The following FAT3 variants were observed in gnomAD, a reference collection of about 807,000 sequenced individuals.
FAT3 encodes protocadherin Fat 3.
FAT3 carries 95 observed loss-of-function variants against 310.2 expected under a neutral mutation model. That is an observed-to-expected ratio of 0.31 (90% CI 0.26 to 0.36). FAT3 has a LOEUF of 0.36. Ranked by LOEUF, FAT3 falls within the 10% of genes least tolerant of loss-of-function variation. The pLI is 1.00. For synonymous variants in FAT3, 2,314 were observed against 2,192.9 expected (o/e 1.06, Z -1.54); for missense variants, 5,408 against 5,715.6 (o/e 0.95, Z 1.74).
intron 3 of FAT3, among the ~76,000 whole-genome samples, chr11:92,624,432 T>C (rs2135679586): frequency 6.6e-6 from 1 of 152,288 alleles, no homozygotes; most frequent in Non-Finnish European, 1.5e-5. Flanking sequence ...ATGTTTAGAC[T>C]AAGGACACTT....
intron 2 of FAT3, among the ~76,000 whole-genome samples, chr11:92,364,398 G>C (rs1948960465): frequency 6.6e-6 from 1 of 152,204 alleles, no homozygotes; most frequent in Admixed American, 6.5e-5. Context: ...CCAGAAGGCA[G>C]TGGGATAAAT....
intron 3 of FAT3, among the ~76,000 whole-genome samples, chr11:92,607,936 C>G (rs147162657): frequency 6.6e-6 from 1 of 152,246 alleles, no homozygotes; most frequent in African/African-American, 2.4e-5. Context: ...TGGCATCTAT[C>G]ATATCTACCT....
At position 92,835,068 on chromosome 11, in the gene FAT3, G is replaced by A. The variant is rs750910380; in HGVS notation, c.10070G>A (p.Gly3357Glu). The change falls in exon 15 of 28, where the codon GGA (glycine) becomes GAA (glutamate). Residue 3357 changes from glycine (G) to glutamate (E), a missense_variant. This residue lies in a region of FAT3 where 4,588 missense variants were observed against 4,809.8 expected (regional missense o/e 0.95). Coordinates refer to ENST00000525166, the MANE Select transcript of FAT3 (RefSeq NM_001367949.2). ...GTTATCAGTGAAGACGCCTTGGTGG[G>A]AGACTCTGTCATTTTGGTAGGTACC... ...SAVISEDALVGDSVILLIAED... is the reference protein window; with the variant it reads ...SAVISEDALVEDSVILLIAED... 5 of 1,612,376 alleles carry A rather than the reference G, an allele frequency of 3.1e-6. No homozygotes were observed. In the Admixed American group the frequency reaches 5.0e-5, roughly 16 times the overall value.
rs1947302702 is a variant in FAT3, at chr11:92,800,356, G to A, written c.7343G>A (p.Ser2448Asn). 1.2e-6 allele frequency: 2 copies of A among 1,613,908 alleles called. No individual in the cohort carries two copies. The highest frequency in any genetic ancestry group is 8.5e-7 in the Non-Finnish European group (1 of 1,179,904). The change falls in exon 10 of 28, where the codon AGT (serine) becomes AAT (asparagine). Residue 2448 changes from serine to asparagine, a missense_variant. By Grantham distance (46) the Ser-to-Asn change is conservative. Around this residue, in one of 5 missense-constraint regions of FAT3, gnomAD observed 4,588 missense variants for 4,809.8 expected, o/e 0.95. Coordinates refer to ENST00000525166, the MANE Select transcript of FAT3 (RefSeq NM_001367949.2). ...ACGAGCTTTCTGATGGACAGCAAGAGTGGAGTTATCACATTGTCCAACCAT... is the reference window on the plus strand; with the variant it reads ...ACGAGCTTTCTGATGGACAGCAAGAATGGAGTTATCACATTGTCCAACCAT... ...DRTSFLMDSK[S>N]GVITLSNHRK...
chr11:92,688,876 A>G (rs1739247040), intron 3 of FAT3, among the ~76,000 whole-genome samples: 1 of 152,216 alleles, frequency 6.6e-6, no homozygotes, highest in African/African-American at 2.4e-5. Context: ...GGTTACTTAT[A>G]CTGTAAGCCT....
At chr11:92,412,752 C>CACATATATATATATATAT (rs1565296555) in intron 2 of FAT3, among the ~76,000 whole-genome samples, 1 of 24,274 alleles carries the variant, frequency 4.1e-5, no homozygotes, top group African/African-American at 1.1e-4. Context: ...TATAAATATA[C>CACATATATATATATATAT]ATACATATAT....
At chr11:92,829,323 G>A (rs1190196408) in intron 13 of FAT3, among the ~76,000 whole-genome samples, 1 of 152,196 alleles carries the variant, frequency 6.6e-6, no homozygotes, top group Non-Finnish European at 1.5e-5. Flanking sequence ...ATTGGCAAGA[G>A]CAGCGTACCA....
intron 3 of FAT3, among the ~76,000 whole-genome samples, chr11:92,667,038 G>A (rs760761686): frequency 5.9e-5 from 9 of 152,082 alleles, no homozygotes; most frequent in Non-Finnish European, 1.0e-4. Flanking sequence ...CAGCTACACC[G>A]AGAGCTAGGT....
intron 2 of FAT3, among the ~76,000 whole-genome samples, chr11:92,439,184 A>T (rs1016864066): frequency 6.6e-6 from 1 of 152,186 alleles, no homozygotes; most frequent in Admixed American, 6.5e-5. Flanking sequence ...TTGTTGCACA[A>T]ATATTAACAG....
At chr11:92,499,697 G>A (rs1952872388) in intron 2 of FAT3, among the ~76,000 whole-genome samples, 1 of 147,874 alleles carries the variant, frequency 6.8e-6, no homozygotes, top group Admixed American at 6.9e-5. Flanking sequence ...ACAAAGTCTT[G>A]ATCTTGTGTG....
chr11:92,798,311 C>G lies in FAT3; in HGVS notation c.5298C>G (p.Ala1766=). 6.2e-7 allele frequency: 1 copy of G among 1,613,696 alleles called. No individual in the cohort carries two copies. Among genetic ancestry groups the G allele is most frequent in the South Asian group, 1.1e-5 (1 of 91,040 alleles). The change falls in exon 10 of 28, where the codon GCC becomes GCG. Residue 1766 remains alanine (A), a synonymous_variant. Coordinates refer to ENST00000525166, the MANE Select transcript of FAT3 (RefSeq NM_001367949.2). ...AGATTGTTGATGAAAATGATAATGCCCCAGTTTTTCTCTTTTCTCAATACT... is the reference window on the plus strand; with the variant it reads ...AGATTGTTGATGAAAATGATAATGCGCCAGTTTTTCTCTTTTCTCAATACT... ...NIQIVDENDN[A]PVFLFSQYSG... is the part of the protein sequence containing the mutation.
chr11:92,420,371 C>T (rs1463271140), intron 2 of FAT3, among the ~76,000 whole-genome samples: 1 of 152,132 alleles, frequency 6.6e-6, no homozygotes, highest in Admixed American at 6.5e-5. Context: ...ATAGATTGCT[C>T]CATGAGGATG....
chr11:92,242,458 C>CT (rs532030954), intron 1 of FAT3, among the ~76,000 whole-genome samples: 10 of 151,532 alleles, frequency 6.6e-5, no homozygotes, highest in South Asian at 2.1e-4. Flanking sequence ...TTAGAACCAC[C>CT]TTTTTTTTGG....
At chr11:92,632,862 T>C (rs2135706840) in intron 3 of FAT3, among the ~76,000 whole-genome samples, 1 of 152,288 alleles carries the variant, frequency 6.6e-6, no homozygotes, top group East Asian at 1.9e-4. Flanking sequence ...GTGCCTCTCT[T>C]CACTCCTCAG....
intron 13 of FAT3, among the ~76,000 whole-genome samples, chr11:92,812,572 A>T (rs1354420693): frequency 6.6e-6 from 1 of 150,856 alleles, no homozygotes; most frequent in African/African-American, 2.4e-5. Context: ...ACAGAGCAAG[A>T]CTCCATCTCA....
Position 92,810,157 on chromosome 11 carries a change from A to G in FAT3, c.9481+81A>G, listed in dbSNP as rs1947629771. On this transcript the variant is annotated intron_variant, in intron 13 of 27. Coordinates refer to ENST00000525166, the MANE Select transcript of FAT3 (RefSeq NM_001367949.2). The stretch of plus-strand genomic sequence containing the variant: ...CTGCCATTCCTTTAGTTTTATAAGA[A>G]CCTTAATCAACCCCCTTGGTTCTTT... 3.7e-5 allele frequency: 45 copies of G among 1,232,352 alleles called. No homozygotes were observed. The South Asian group carries it at 6.3e-4, about 17-fold the overall frequency. 76.3% of individuals were successfully genotyped at this position (1,232,352 alleles called of 1,614,324 possible).
At position 92,737,953 on chromosome 11, in the gene FAT3, G is replaced by A. The variant is rs150607755; in HGVS notation, c.3670-23903G>A. On this transcript the variant is annotated intron_variant, in intron 4 of 27. Coordinates refer to ENST00000525166, the MANE Select transcript of FAT3 (RefSeq NM_001367949.2). ...GATACCAGAAACAAATACAGCTACCGATTTTTCATTGTTCTCATTGAGACA... is the reference window on the plus strand; with the variant it reads ...GATACCAGAAACAAATACAGCTACCAATTTTTCATTGTTCTCATTGAGACA... Among the ~76,000 whole-genome samples the A allele has an allele frequency of 5.8e-4, 89 of 152,180 alleles. No homozygotes were observed. In the East Asian group the frequency reaches 0.017, roughly 29 times the overall value.
rs373126600 is a variant in FAT3, at chr11:92,665,269, A to G, written c.3608-32115A>G. Among the ~76,000 whole-genome samples, 106 of 152,270 alleles carry G rather than the reference A, an allele frequency of 7.0e-4. 1 individual carries two copies. The East Asian group carries it at 0.016, about 23-fold the overall frequency. ...TGACCTCAGTTCGTCTCTGCTGTGCACTTGCCAGAGACGAACGGTTGACCA... is the reference window on the plus strand; with the variant it reads ...TGACCTCAGTTCGTCTCTGCTGTGCGCTTGCCAGAGACGAACGGTTGACCA... On this transcript the variant is annotated intron_variant, in intron 3 of 27. Transcript: ENST00000525166.
At chr11:92,567,105 T>G (rs1220154204) in intron 3 of FAT3, among the ~76,000 whole-genome samples, 1 of 151,950 alleles carries the variant, frequency 6.6e-6, no homozygotes, top group Non-Finnish European at 1.5e-5. Flanking sequence ...CAGGCAACCT[T>G]CAAAATAGGA....
Sources: allele counts gnomAD v4.1 joint callset (sites outside exome capture counted in the v4.1 genomes callset), GRCh38; gene constraint gnomAD v4.1.1; regional missense constraint gnomAD v4.1.1; transcripts MANE v1.5; gene names NCBI Gene and HGNC (gene_info 2026-07-23, HGNC 2026-07-21).